The following CDK14 variants were observed in gnomAD, a reference collection of about 807,000 sequenced individuals.
The protein encoded by CDK14 is cyclin-dependent kinase 14.
CDK14 carries 34 observed loss-of-function variants against 60.7 expected under a neutral mutation model. That is an observed-to-expected ratio of 0.56 (90% confidence interval 0.43 to 0.75). The LOEUF (loss-of-function observed/expected upper bound fraction) is 0.75, where lower values mean the gene tolerates loss of function less well. CDK14 is among the 30% of genes least tolerant of loss of function. The pLI, the probability that CDK14 is intolerant of heterozygous loss-of-function variation, is 0.00. For missense variants in CDK14, 482 were observed against 564.1 expected (o/e 0.85, Z 1.47); for synonymous variants, 197 against 203.7 (o/e 0.97, Z 0.28).
intron 2 of CDK14, among the ~76,000 whole-genome samples, chr7:90,667,244 G>A (rs550606593): frequency 2.0e-5 from 3 of 152,122 alleles, no homozygotes; most frequent in Non-Finnish European, 4.4e-5. Context: ...CCAAATTATA[G>A]CAATTCCTTG....
chr7:90,661,354 T>G (rs1800862501), intron 2 of CDK14, among the ~76,000 whole-genome samples: 1 of 152,216 alleles, frequency 6.6e-6, no homozygotes, highest in Non-Finnish European at 1.5e-5. Flanking sequence ...ATAGACAGCT[T>G]ACGTAAATTG....
intron 6 of CDK14, among the ~76,000 whole-genome samples, chr7:90,894,073 T>C (rs1356248025): frequency 6.7e-6 from 1 of 150,058 alleles, no homozygotes; most frequent in Non-Finnish European, 1.5e-5. Flanking sequence ...CTTCCCTAAT[T>C]CCCTACCTCT....
intron 5 of CDK14, among the ~76,000 whole-genome samples, chr7:90,816,272 A>G (rs1789353203): frequency 6.6e-6 from 1 of 152,196 alleles, no homozygotes; most frequent in African/African-American, 2.4e-5. Context: ...CTCCACATCA[A>G]CCAACACCAC....
intron 4 of CDK14, among the ~76,000 whole-genome samples, chr7:90,764,604 A>T (rs1456584068): frequency 6.6e-6 from 1 of 152,202 alleles, no homozygotes; most frequent in South Asian, 2.1e-4. Context: ...GACACTGTTG[A>T]TGTTGGGGAG....
chr7:91,056,804 A>G (rs1331685487), intron 11 of CDK14, among the ~76,000 whole-genome samples: 1 of 152,284 alleles, frequency 6.6e-6, no homozygotes, highest in South Asian at 2.1e-4. Context: ...AATCCAGTCT[A>G]TCATTGTTGG....
chr7:91,091,367 T>C (rs1010244934), intron 12 of CDK14, among the ~76,000 whole-genome samples: 1 of 144,808 alleles, frequency 6.9e-6, no homozygotes, highest in Non-Finnish European at 1.5e-5. Flanking sequence ...TATATATACA[T>C]ATATACATAT....
Position 91,185,187 on chromosome 7 carries a change from A to G in CDK14, c.*29-21978A>G, listed in dbSNP as rs1412087393. ...ACACACATTTCAACCCTGAGTTCAG[A>G]GAGAGTAAACAATGATATAGAAATA... On this transcript the variant is annotated intron_variant, in intron 14 of 14. Transcript: ENST00000380050. Among the ~76,000 whole-genome samples the G allele has an allele frequency of 3.3e-5, 5 of 149,874 alleles. No homozygotes were observed. In the Admixed American group the frequency reaches 3.4e-4, roughly 10 times the overall value.
chr7:90,789,415 A>G (rs1476013380), intron 4 of CDK14, among the ~76,000 whole-genome samples: 1 of 152,068 alleles, frequency 6.6e-6, no homozygotes, highest in Non-Finnish European at 1.5e-5. Context: ...TACCTTTTAC[A>G]TTTTTAATAC....
chr7:91,037,901 G>T lies in CDK14; in HGVS notation c.1042-7996G>T, dbSNP rs143095033. On this transcript the variant is annotated intron_variant, in intron 10 of 14. Coordinates refer to ENST00000380050, the MANE Select transcript of CDK14 (RefSeq NM_001287135.2). The stretch of plus-strand genomic sequence containing the variant: ...AATTTTTTGTAGAAATTTGAATTAG[G>T]TCATAGGATTAAGGTACTTTCACAG... Among the ~76,000 whole-genome samples, 38 of 152,276 alleles carry T rather than the reference G, an allele frequency of 2.5e-4. 2 individuals are homozygous for T. The East Asian group carries it at 7.3e-3, about 29-fold the overall frequency.
At chr7:90,972,034 T>C (rs970310593) in intron 9 of CDK14, among the ~76,000 whole-genome samples, 1 of 152,214 alleles carries the variant, frequency 6.6e-6, no homozygotes, top group African/African-American at 2.4e-5. Flanking sequence ...TATTCTGATA[T>C]GCTTAATTTG....
chr7:90,635,633 A>G lies in CDK14; in HGVS notation c.123+31384A>G, dbSNP rs544820845. ...GCAATGCGGGCTCTTTTTTGGTTCCATATGAACTTTAAAGTAGTTTTTTCC... is the reference window on the plus strand; with the variant it reads ...GCAATGCGGGCTCTTTTTTGGTTCCGTATGAACTTTAAAGTAGTTTTTTCC... On this transcript the variant is annotated intron_variant, in intron 2 of 14. Transcript: ENST00000380050. Among the ~76,000 whole-genome samples, 531 of 152,172 alleles carry G rather than the reference A, an allele frequency of 3.5e-3. 3 individuals carry two copies. Among genetic ancestry groups the G allele is most frequent in the Non-Finnish European group, 5.5e-3 (376 of 68,006 alleles).
intron 11 of CDK14, 38 bp from the exon 12 acceptor site, chr7:91,079,394 A>G (rs542569374): frequency 3.6e-6 from 5 of 1,370,374 alleles, no homozygotes; most frequent in East Asian, 2.3e-5. Context: ...TATACATTTG[A>G]TACAAAGATT....
intron 4 of CDK14, among the ~76,000 whole-genome samples, chr7:90,760,153 C>A (rs374507769): frequency 2.0e-5 from 3 of 152,264 alleles, no homozygotes; most frequent in East Asian, 3.9e-4. Flanking sequence ...CAAACCAAGA[C>A]TGAAATATAC....
At chr7:91,023,509 A>G (rs1399551927) in intron 10 of CDK14, among the ~76,000 whole-genome samples, 1 of 152,222 alleles carries the variant, frequency 6.6e-6, no homozygotes, top group Non-Finnish European at 1.5e-5. Flanking sequence ...TTTAAATACC[A>G]TTTGGCTCAG....
At chr7:91,096,845 C>T (rs561076726) in intron 12 of CDK14, among the ~76,000 whole-genome samples, 193 of 152,286 alleles carry the variant, frequency 1.3e-3, no homozygotes, top group Admixed American at 2.9e-3. Flanking sequence ...ATGCCTATAA[C>T]CATGTTTTTG....
intron 3 of CDK14, among the ~76,000 whole-genome samples, chr7:90,746,052 A>G (rs896379764): frequency 6.6e-6 from 1 of 152,134 alleles, no homozygotes; most frequent in Non-Finnish European, 1.5e-5. Flanking sequence ...TTGGGAGGAC[A>G]CTGCAGTCTC....
intron 12 of CDK14, among the ~76,000 whole-genome samples, chr7:91,082,869 AC>A (rs1228126619): frequency 6.6e-6 from 1 of 152,200 alleles, no homozygotes; most frequent in Non-Finnish European, 1.5e-5. Context: ...GCTGATGTGT[AC>A]CATTAAGATT....
rs187924944 is a variant in CDK14, at chr7:91,078,133, T to C, written c.1106-1299T>C. Among the ~76,000 whole-genome samples, 4 of 152,270 alleles carry C rather than the reference T, an allele frequency of 2.6e-5. No individual in the cohort carries two copies. In the East Asian group the frequency reaches 7.7e-4, roughly 29 times the overall value. Reference sequence around the variant, plus strand: ...TACCGTTTGCCAAGCAATTCTATATTGGGGAATCTATCCAACAGAAATGAA... The same window carrying C: ...TACCGTTTGCCAAGCAATTCTATATCGGGGAATCTATCCAACAGAAATGAA... On this transcript the variant is annotated intron_variant, in intron 11 of 14. Transcript: ENST00000380050.
intron 11 of CDK14, among the ~76,000 whole-genome samples, 192 bp from the exon 12 acceptor site, chr7:91,079,240 T>C (rs565684192): frequency 1.3e-5 from 2 of 152,316 alleles, no homozygotes; most frequent in Non-Finnish European, 2.9e-5. Flanking sequence ...AAAACAATGC[T>C]TCACCGTTTA....
Sources: gnomAD v4.1 joint callset for allele counts (sites outside exome capture counted in the v4.1 genomes callset) on GRCh38, gnomAD v4.1.1 for gene constraint, MANE v1.5 for transcripts, NCBI Gene and HGNC (gene_info 2026-07-23, HGNC 2026-07-21) for gene names.